Variants in RAPGEF6 observed in about 807,000 individuals in gnomAD.
The protein encoded by RAPGEF6 is Rap guanine nucleotide exchange factor 6.
Under a neutral mutation model 171.4 loss-of-function variants are expected in RAPGEF6, and 56 were observed. That is an observed-to-expected ratio of 0.33 (90% confidence interval 0.26 to 0.41). RAPGEF6 has a LOEUF of 0.41. Among genes scored for constraint, RAPGEF6 ranks in the 10% least tolerant of loss-of-function variants. The probability of loss-of-function intolerance (pLI) is 1.00; values close to 1 mark genes in which losing one functional copy is unlikely to be tolerated. For missense variants in RAPGEF6, 1,674 were observed against 1,921.4 expected (o/e 0.87, Z 2.41); for synonymous variants, 692 against 650.1 (o/e 1.06, Z -0.98).
Position 131,566,570 on chromosome 5 carries a change from A to G in RAPGEF6, c.282-4523T>C, listed in dbSNP as rs77910727. Among the ~76,000 whole-genome samples, 29 of 152,300 alleles carry G rather than the reference A, an allele frequency of 1.9e-4. 1 individual carries two copies. In the East Asian group the frequency reaches 5.6e-3, roughly 29 times the overall value. On this transcript the variant is annotated intron_variant, in intron 4 of 27. Transcript: ENST00000509018. ...CTTGTGATTTTTGCCTAGTATTGGTAGCAGTAATACTGGACTAACAGAAAT... is the reference window on the plus strand; with the variant it reads ...CTTGTGATTTTTGCCTAGTATTGGTGGCAGTAATACTGGACTAACAGAAAT...
chr5:131,465,838 G>A (rs757727903), intron 17 of RAPGEF6, among the ~76,000 whole-genome samples: 7 of 152,050 alleles, frequency 4.6e-5, no homozygotes, highest in Non-Finnish European at 1.0e-4. Flanking sequence ...TTGTATGTGT[G>A]TGATGACTGC....
At chr5:131,529,937 C>T (rs1343020805) in intron 6 of RAPGEF6, among the ~76,000 whole-genome samples, 9 of 135,260 alleles carry the variant, frequency 6.7e-5, no homozygotes, top group Non-Finnish European at 1.6e-5. Context: ...GACAGGGTCT[C>T]ACCCTGTCCA....
Position 131,504,728 on chromosome 5 carries a change from T to C in RAPGEF6, c.1152A>G (p.Glu384=), listed in dbSNP as rs561389614. The C allele has an allele frequency of 4.9e-5, 79 of 1,613,866 alleles. No individual in the cohort carries two copies. The highest frequency in any genetic ancestry group is 6.4e-5 in the Non-Finnish European group (75 of 1,179,950). The change falls in exon 11 of 28, where the codon GAA becomes GAG. Residue 384 remains glutamate, a synonymous_variant. Transcript: ENST00000509018. ...QDYWRILNHV[E]KNTHKVEEEG... is the part of the protein sequence containing the mutation. Reference sequence around the variant, plus strand: ...CTTCCTCAACTTTATGGGTATTTTTTTCCACATGGTTTAAAATTCTCCAAT... The same window carrying C: ...CTTCCTCAACTTTATGGGTATTTTTCTCCACATGGTTTAAAATTCTCCAAT...
chr5:131,500,133 G>A (rs972796967), intron 11 of RAPGEF6, among the ~76,000 whole-genome samples: 24 of 152,222 alleles, frequency 1.6e-4, no homozygotes, highest in Middle Eastern at 3.4e-3. Flanking sequence ...TCTTGACCTC[G>A]TGATCCATCC....
chr5:131,549,162 C>G (rs190900759), intron 5 of RAPGEF6, among the ~76,000 whole-genome samples: 107 of 152,230 alleles, frequency 7.0e-4, no homozygotes, highest in Middle Eastern at 3.4e-3. Context: ...ACTGCCTGTC[C>G]AATCACAGAA....
At chr5:131,552,617 C>T (rs1760989802) in intron 5 of RAPGEF6, among the ~76,000 whole-genome samples, 1 of 152,002 alleles carries the variant, frequency 6.6e-6, no homozygotes, top group Admixed American at 6.6e-5. Flanking sequence ...TGCACCACCA[C>T]GCCTGGCTAC....
At position 131,491,905 on chromosome 5, in the gene RAPGEF6, C is replaced by T. The variant is rs542017011; in HGVS notation, c.1731+677G>A. Among the ~76,000 whole-genome samples, 217 of 152,250 alleles carry T rather than the reference C, an allele frequency of 1.4e-3. 1 individual carries two copies. The highest frequency in any genetic ancestry group is 1.8e-3 in the Non-Finnish European group (121 of 68,020). On this transcript the variant is annotated intron_variant, in intron 14 of 27. Transcript: ENST00000509018. ...GAGCTTTGTTAAAAATACAGATGTT[C>T]AGACATCATTGCTTAAGAATGTGGG...
rs779290987 is a variant in RAPGEF6 at position 131,431,239 on chromosome 5, C to T, written c.4085G>A (p.Arg1362His). The T allele has an allele frequency of 7.4e-6, 12 of 1,614,200 alleles. No individual in the cohort carries two copies. The highest frequency in any genetic ancestry group is 1.0e-5 in the Non-Finnish European group (12 of 1,180,036). ...HIIIEAADSG[R>H]GSWTSCSSSS... ...GCTTGAACACGAAGTCCAACTTCCA[C>T]GACCACTGTCAGCTGCTTCTATAAT... is the stretch of plus-strand genomic sequence containing the variant. The change falls in exon 26 of 28, where the codon CGT becomes CAT. Residue 1362 changes from arginine (R) to histidine (H), a missense_variant. By Grantham distance (29) the Arg-to-His change is conservative. Around this residue, in one of 3 missense-constraint regions of RAPGEF6, gnomAD observed 552 missense variants for 574.2 expected, o/e 0.96. Transcript: ENST00000509018.
chr5:131,456,132 AT>A (rs1354690440), intron 19 of RAPGEF6, 120 bp from the exon 20 acceptor site: 4 of 656,250 alleles, frequency 6.1e-6, no homozygotes. Flanking sequence ...ATTTTAACAC[AT>A]TGAAATAAAC....
chr5:131,499,317 A>C (rs2149881849), intron 11 of RAPGEF6, among the ~76,000 whole-genome samples: 1 of 152,300 alleles, frequency 6.6e-6, no homozygotes, highest in Non-Finnish European at 1.5e-5. Context: ...GGTGTGGCTC[A>C]TGCCTGTAAT....
At chr5:131,511,319 A>G (rs1757705977) in intron 7 of RAPGEF6, 1 of 152,114 alleles carries the variant, frequency 6.6e-6, no homozygotes, top group African/African-American at 2.4e-5. Flanking sequence ...ATGAAAAAGC[A>G]TGGGTATTAA....
At chr5:131,442,828 C>A (rs941686950) in intron 22 of RAPGEF6, among the ~76,000 whole-genome samples, 8 of 152,138 alleles carry the variant, frequency 5.3e-5, no homozygotes, top group Non-Finnish European at 8.8e-5. Context: ...CGCTCTGTCG[C>A]CCGGGCTGAA....
chr5:131,581,681 T>C (rs1408887253), intron 4 of RAPGEF6, among the ~76,000 whole-genome samples: 1 of 152,182 alleles, frequency 6.6e-6, no homozygotes, highest in Non-Finnish European at 1.5e-5. Flanking sequence ...ATTTTATTTC[T>C]TCATTATTAA....
intron 5 of RAPGEF6, among the ~76,000 whole-genome samples, chr5:131,559,408 G>C (rs1346720844): frequency 6.6e-6 from 1 of 152,102 alleles, no homozygotes; most frequent in African/African-American, 2.4e-5. Flanking sequence ...TTTTACTAAG[G>C]ACAATTTTTG....
chr5:131,423,990 A>G lies in RAPGEF6; in HGVS notation c.*3276T>C, dbSNP rs145638850. Reference sequence around the variant, plus strand: ...TGATAATAATAAATGGTATTTTTACATTCTCTTAACCAAAAATATAACAAA... The same window carrying G: ...TGATAATAATAAATGGTATTTTTACGTTCTCTTAACCAAAAATATAACAAA... On this transcript the variant is annotated 3_prime_UTR_variant, in exon 28 of 28. Coordinates refer to ENST00000509018, the MANE Select transcript of RAPGEF6 (RefSeq NM_016340.6). The G allele has an allele frequency of 1.4e-3, 211 of 152,458 alleles. No homozygotes were observed. The highest frequency in any genetic ancestry group is 4.9e-3 in the African/African-American group (204 of 41,584). The allele number at this position is 152,458 out of a possible 1,614,324, so 9.4% of individuals were successfully genotyped here. A position where few individuals can be genotyped will look rare whatever the true frequency, so the allele number is the denominator to read the frequency against.
chr5:131,596,925 A>C (rs1763937160), intron 3 of RAPGEF6, among the ~76,000 whole-genome samples: 1 of 152,214 alleles, frequency 6.6e-6, no homozygotes, highest in Non-Finnish European at 1.5e-5. Flanking sequence ...TTGCGCAGCA[A>C]AGGAAACAAC....
At chr5:131,579,141 T>TA (rs1216637333) in intron 4 of RAPGEF6, among the ~76,000 whole-genome samples, 1 of 152,178 alleles carries the variant, frequency 6.6e-6, no homozygotes, top group Admixed American at 6.5e-5. Context: ...TTACAGCTCT[T>TA]AAGGCGGCAC....
At chr5:131,579,264 C>T (rs755247177) in intron 4 of RAPGEF6, among the ~76,000 whole-genome samples, 1 of 152,160 alleles carries the variant, frequency 6.6e-6, no homozygotes, top group African/African-American at 2.4e-5. Context: ...TGTTAAAGCT[C>T]ATAAAGGCAG....
chr5:131,489,960 T>C (rs1310483920), intron 14 of RAPGEF6, among the ~76,000 whole-genome samples: 1 of 152,132 alleles, frequency 6.6e-6, no homozygotes, highest in Non-Finnish European at 1.5e-5. Context: ...TCATGGCAGA[T>C]CAGCTCATAA....
Sources: allele counts gnomAD v4.1 joint callset (sites outside exome capture counted in the v4.1 genomes callset), GRCh38; gene constraint gnomAD v4.1.1; regional missense constraint gnomAD v4.1.1; transcripts MANE v1.5; gene names NCBI Gene and HGNC (gene_info 2026-07-23, HGNC 2026-07-21).